LIN9: variants seen among roughly 807,000 people sequenced by gnomAD.
LIN9 encodes the protein lin-9 DREAM MuvB core complex component, also known as protein lin-9 homolog.
Under a neutral mutation model 78.0 loss-of-function variants are expected in LIN9, and 18 were observed. The ratio of observed to expected loss-of-function variants is 0.23; its 90% CI spans 0.16 to 0.34. The LOEUF (loss-of-function observed/expected upper bound fraction) is 0.34, where lower values mean the gene tolerates loss of function less well. Ranked by LOEUF, LIN9 falls within the 10% of genes least tolerant of loss-of-function variation. LIN9 has a pLI of 1.00. For synonymous variants in LIN9, 192 were observed against 215.2 expected, an observed-to-expected ratio of 0.89 and a Z score of 0.94; for missense variants, 451 against 644.1, an observed-to-expected ratio of 0.70 and a Z score of 3.25.
At chr1:226,308,927 A>G in intron 1 of LIN9, 182 bp downstream of exon 1, 1 of 438,552 alleles carries the variant, frequency 2.3e-6, no homozygotes, top group Non-Finnish European at 3.6e-6. Flanking sequence ...ACCAACACAC[A>G]GACACCATAA....
chr1:226,252,776 G>A (rs1658921374), intron 10 of LIN9, among the ~76,000 whole-genome samples: 2 of 152,046 alleles, frequency 1.3e-5, no homozygotes, highest in Admixed American at 6.6e-5. Flanking sequence ...AGACCAACCT[G>A]GCCAACATAG....
rs2102817634 is a variant in LIN9 at position 226,232,547 on chromosome 1, A to G, written c.1583T>C (p.Met528Thr). 3 of 1,612,718 alleles carry G rather than the reference A, an allele frequency of 1.9e-6. No homozygotes were observed. Among genetic ancestry groups the G allele is most frequent in the African/African-American group, 1.3e-5 (1 of 75,054 alleles). The change falls in exon 15 of 15, where the codon ATG (methionine) becomes ACG (threonine). Residue 528 changes from methionine (M) to threonine (T), a missense_variant. Physicochemically the swap from Met to Thr is moderately conservative, Grantham distance 81 (BLOSUM62 -1). Transcript: ENST00000681046. Reference protein sequence around the residue: ...VAHIQSGLSQMGNLHAFAANN... With the variant: ...VAHIQSGLSQTGNLHAFAANN... ...TGCTGCAAAGGCATGTAAGTTTCCC[A>G]TCTGGCTCAGGCCACTCTGAATATG... is the stretch of plus-strand genomic sequence containing the variant.
intron 1 of LIN9, among the ~76,000 whole-genome samples, chr1:226,308,290 G>A (rs1271409966): frequency 1.3e-5 from 2 of 152,200 alleles, no homozygotes; most frequent in Non-Finnish European, 2.9e-5. Flanking sequence ...GAGCATACAT[G>A]TCTTAGATGT....
chr1:226,259,620 A>T (rs1195269986), intron 10 of LIN9, among the ~76,000 whole-genome samples: 2 of 152,242 alleles, frequency 1.3e-5, no homozygotes, highest in Non-Finnish European at 2.9e-5. Context: ...ATGAACTTCT[A>T]CTAGAAATCA....
intron 2 of LIN9, among the ~76,000 whole-genome samples, chr1:226,298,460 A>T (rs1393679767): frequency 6.6e-6 from 1 of 152,204 alleles, no homozygotes; most frequent in African/African-American, 2.4e-5. Flanking sequence ...TACCCGCCTC[A>T]GTGTCTCAAA....
chr1:226,265,716 C>A lies in LIN9; in HGVS notation c.937-82G>T. Reference sequence around the variant, plus strand: ...TTTTTTATTTTTATTTTTTTTTAGACGGAGTCTCGCTCTGTTGCCACTTGT... The same window carrying A: ...TTTTTTATTTTTATTTTTTTTTAGAAGGAGTCTCGCTCTGTTGCCACTTGT... On this transcript the variant is annotated intron_variant, in intron 9 of 14. Transcript: ENST00000681046. This position sits in a 1 kb window ranked among gnomAD's most constrained non-coding sequence, Gnocchi z 4.1. 1 of 728,982 alleles carries A rather than the reference C, an allele frequency of 1.4e-6. No homozygotes were observed. The highest frequency in any genetic ancestry group is 2.2e-6 in the Non-Finnish European group (1 of 450,040). 45.2% of individuals were successfully genotyped at this position (728,982 alleles called of 1,614,324 possible). A position where few individuals can be genotyped will look rare whatever the true frequency, so the allele number is the denominator to read the frequency against.
intron 7 of LIN9, among the ~76,000 whole-genome samples, chr1:226,275,523 G>T (rs1182735553): frequency 2.0e-5 from 3 of 151,086 alleles, no homozygotes; most frequent in Admixed American, 2.0e-4. Context: ...GTGAAACCCC[G>T]TCTCTACTAA....
intron 4 of LIN9, among the ~76,000 whole-genome samples, chr1:226,293,707 G>A (rs1661940195): frequency 1.3e-5 from 2 of 152,176 alleles, no homozygotes; most frequent in South Asian, 2.1e-4. Flanking sequence ...ACAGGCGTGT[G>A]CCACCACGCC....
intron 7 of LIN9, among the ~76,000 whole-genome samples, chr1:226,272,381 C>CTTT (rs570128823): frequency 7.9e-6 from 1 of 125,954 alleles, no homozygotes; most frequent in East Asian, 2.3e-4. Flanking sequence ...ATTGAAGTGG[C>CTTT]TTTTTTTTTT....
chr1:226,287,855 A>G, intron 4 of LIN9, 58 bp from the exon 5 acceptor site: 1 of 1,248,542 alleles, frequency 8.0e-7, no homozygotes. Flanking sequence ...ATGAACATTT[A>G]TAACCCTGAA....
chr1:226,285,205 A>C (rs1037402156), intron 6 of LIN9, among the ~76,000 whole-genome samples: 22 of 152,318 alleles, frequency 1.4e-4, no homozygotes, highest in African/African-American at 5.1e-4. Context: ...ATGGACAATA[A>C]TTAGAAACAG....
At chr1:226,259,635 CAAAG>C (rs1300392663) in intron 10 of LIN9, among the ~76,000 whole-genome samples, 1 of 151,910 alleles carries the variant, frequency 6.6e-6, no homozygotes, top group Non-Finnish European at 1.5e-5. Context: ...AAATCAATAA[CAAAG>C]AAAGCTGTAA....
chr1:226,239,689 A>G (rs759021685), intron 11 of LIN9, among the ~76,000 whole-genome samples: 2 of 152,192 alleles, frequency 1.3e-5, no homozygotes, highest in South Asian at 2.1e-4. Context: ...ATTAAATGAG[A>G]TAATACATGC....
chr1:226,241,523 T>C (rs771640593), intron 11 of LIN9, among the ~76,000 whole-genome samples: 15 of 152,182 alleles, frequency 9.9e-5, no homozygotes, highest in Non-Finnish European at 2.2e-4. Context: ...ACAGTATACA[T>C]CAAAATGTAT....
chr1:226,254,492 T>TTTAC (rs1457178199), intron 10 of LIN9, among the ~76,000 whole-genome samples: 1 of 152,156 alleles, frequency 6.6e-6, no homozygotes, highest in Non-Finnish European at 1.5e-5. Context: ...ACATATAGAT[T>TTTAC]ATAAATTTTA....
chr1:226,295,798 G>T, intron 4 of LIN9, 44 bp downstream of exon 4: 1 of 1,189,912 alleles, frequency 8.4e-7, no homozygotes, highest in Non-Finnish European at 1.2e-6. Context: ...CTGAGCATTT[G>T]CTTACTTCCT....
At chr1:226,235,151 G>A (rs867466805) in intron 12 of LIN9, among the ~76,000 whole-genome samples, 11 of 151,660 alleles carry the variant, frequency 7.3e-5, no homozygotes, top group African/African-American at 1.5e-4. Flanking sequence ...TGGCCAACAT[G>A]TCTCTACTAA....
intron 11 of LIN9, among the ~76,000 whole-genome samples, chr1:226,248,283 T>C (rs1288414479): frequency 1.3e-5 from 2 of 152,230 alleles, no homozygotes; most frequent in African/African-American, 4.8e-5. Context: ...CTGCACTTCA[T>C]CATATTTGCC....
At chr1:226,273,420 A>AT (rs34922117) in intron 7 of LIN9, among the ~76,000 whole-genome samples, 7 of 151,392 alleles carry the variant, frequency 4.6e-5, no homozygotes, top group South Asian at 2.1e-4. Flanking sequence ...CAATTTTTGT[A>AT]TTTTTTGTAG....
Sources: gnomAD v4.1 joint callset for allele counts (sites outside exome capture counted in the v4.1 genomes callset) on GRCh38, gnomAD v4.1.1 for gene constraint, Gnocchi (gnomAD v3.1) non-coding constraint, MANE v1.5 for transcripts, NCBI Gene and HGNC (gene_info 2026-07-23, HGNC 2026-07-21) for gene names.